Variants in OR3A2 observed in about 807,000 individuals in gnomAD.
The protein encoded by OR3A2 is olfactory receptor family 3 subfamily A member 2, also known as olfactory receptor 3A2.
For missense variants in OR3A2, 318 were observed against 392.8 expected, an observed-to-expected ratio of 0.81 and a Z score of 1.61; for synonymous variants, 126 against 159.3, an observed-to-expected ratio of 0.79 and a Z score of 1.57.
At chr17:3,378,748 T>A (rs1346863701) in intron 2 of OR3A2, among the ~76,000 whole-genome samples, 1 of 152,124 alleles carries the variant, frequency 6.6e-6, no homozygotes, top group Non-Finnish European at 1.5e-5. Flanking sequence ...ATCCTTCCAC[T>A]TTTCTTCTTG....
At chr17:3,384,361 G>C (rs992701979) in intron 1 of OR3A2, among the ~76,000 whole-genome samples, 5 of 152,168 alleles carry the variant, frequency 3.3e-5, no homozygotes, top group African/African-American at 1.2e-4. Flanking sequence ...GACAGAGCAA[G>C]GACAAGCCTT....
intron 2 of OR3A2, among the ~76,000 whole-genome samples, chr17:3,372,369 G>A (rs377507545): frequency 6.0e-4 from 88 of 146,618 alleles, no homozygotes; most frequent in East Asian, 8.1e-4. Context: ...GGCTCCTCAC[G>A]TCCCAGACGA....
chr17:3,360,396 G>T (rs372338573), intron 2 of OR3A2, among the ~76,000 whole-genome samples: 7 of 151,386 alleles, frequency 4.6e-5, no homozygotes, highest in Non-Finnish European at 5.9e-5. Context: ...TAGTTTCTTT[G>T]GCTGTGCAGA....
chr17:3,328,098 T>G (rs1403652336), intron 3 of OR3A2, among the ~76,000 whole-genome samples: 22 of 145,944 alleles, frequency 1.5e-4, no homozygotes, highest in Admixed American at 4.1e-4. Context: ...GTGAAGAAAG[T>G]CATTGGTAGC....
At chr17:3,319,779 T>G (rs1400727072) in intron 3 of OR3A2, among the ~76,000 whole-genome samples, 1 of 152,216 alleles carries the variant, frequency 6.6e-6, no homozygotes, top group Non-Finnish European at 1.5e-5. Context: ...CTATTGTTGT[T>G]GGACATCTGG....
chr17:3,281,056 C>G (rs2048773839), intron 1 of OR3A2, among the ~76,000 whole-genome samples: 1 of 152,214 alleles, frequency 6.6e-6, no homozygotes, highest in Admixed American at 6.5e-5. Context: ...CTCTGGTGAG[C>G]ACTGACTAGG....
At chr17:3,348,636 T>C (rs893938286) in intron 2 of OR3A2, among the ~76,000 whole-genome samples, 2 of 151,926 alleles carry the variant, frequency 1.3e-5, no homozygotes, top group Non-Finnish European at 2.9e-5. Flanking sequence ...ACTTCCCCAA[T>C]CTAGCAAGGC....
chr17:3,351,793 C>T (rs377366473), intron 2 of OR3A2, among the ~76,000 whole-genome samples: 7 of 152,214 alleles, frequency 4.6e-5, no homozygotes, highest in East Asian at 3.9e-4. Context: ...TACTGCAAGG[C>T]TACAGTAACC....
rs556686798 is a variant in OR3A2, at chr17:3,362,495, T to A, written c.-179+21309A>T. 2.4e-4 allele frequency among the ~76,000 whole-genome samples: 37 copies of A among 151,892 alleles called. 1 individual carries two copies. Among genetic ancestry groups the A allele is most frequent in the Middle Eastern group, 3.4e-3 (1 of 294 alleles). Reference sequence around the variant, plus strand: ...TGTTTGCTCTTGCTTCTCTAGTTCTTTTCATTGTGATGTTAGGGTGTCAAT... The same window carrying A: ...TGTTTGCTCTTGCTTCTCTAGTTCTATTCATTGTGATGTTAGGGTGTCAAT... On this transcript the variant is annotated intron_variant, in intron 2 of 4. Transcript: ENST00000573491.
upstream of OR3A2, among the ~76,000 whole-genome samples, chr17:3,288,985 C>G (rs1441033954): frequency 2.0e-5 from 3 of 151,974 alleles, no homozygotes; most frequent in Non-Finnish European, 2.9e-5. Flanking sequence ...TATTATGCAG[C>G]CTTTAAAATG....
intron 2 of OR3A2, among the ~76,000 whole-genome samples, chr17:3,337,706 G>A (rs978386937): frequency 1.3e-5 from 2 of 152,120 alleles, no homozygotes; most frequent in Non-Finnish European, 1.5e-5. Flanking sequence ...CCAAGTCTTT[G>A]GTATTGTGAA....
At chr17:3,291,311 G>C (rs549522892) in intron 3 of OR3A2, 56 of 241,654 alleles carry the variant, frequency 2.3e-4, no homozygotes, top group Non-Finnish European at 3.8e-4. Flanking sequence ...AACTAAGGCT[G>C]TAACCAACCA....
chr17:3,302,847 C>T (rs895428674), intron 3 of OR3A2, among the ~76,000 whole-genome samples: 3 of 152,168 alleles, frequency 2.0e-5, no homozygotes, highest in African/African-American at 7.2e-5. Context: ...CATGCTCATT[C>T]TGGGAAGGCC....
At chr17:3,360,574 C>T (rs1267301961) in intron 2 of OR3A2, among the ~76,000 whole-genome samples, 1 of 151,606 alleles carries the variant, frequency 6.6e-6, no homozygotes, top group Non-Finnish European at 1.5e-5. Context: ...ATCTTTAATC[C>T]ATCTTGAATT....
intron 3 of OR3A2, among the ~76,000 whole-genome samples, chr17:3,317,920 G>C (rs1339668116): frequency 1.3e-5 from 2 of 152,016 alleles, no homozygotes; most frequent in African/African-American, 4.8e-5. Flanking sequence ...GCCTGTAGAA[G>C]CCACAGTGTC....
At chr17:3,360,623 G>C (rs1486025091) in intron 2 of OR3A2, among the ~76,000 whole-genome samples, 3 of 151,674 alleles carry the variant, frequency 2.0e-5, no homozygotes, top group Non-Finnish European at 4.4e-5. Flanking sequence ...TCCAGTTTCA[G>C]CTTTCTACAT....
intron 3 of OR3A2, among the ~76,000 whole-genome samples, chr17:3,322,563 T>A (rs187323056): frequency 1.3e-5 from 2 of 152,338 alleles, no homozygotes; most frequent in Non-Finnish European, 2.9e-5. Context: ...GAGATTCTGG[T>A]ATGTTGTGTG....
intron 2 of OR3A2, among the ~76,000 whole-genome samples, chr17:3,368,109 A>G (rs901497958): frequency 1.3e-5 from 2 of 151,928 alleles, no homozygotes; most frequent in African/African-American, 2.4e-5. Context: ...GATTTGTTTG[A>G]GTTCCTTATA....
At chr17:3,362,823 G>A (rs1278025157) in intron 2 of OR3A2, among the ~76,000 whole-genome samples, 1 of 151,724 alleles carries the variant, frequency 6.6e-6, no homozygotes, top group South Asian at 2.1e-4. Context: ...CTAGGCAGAG[G>A]TTCCCAAACC....
Sources: allele counts gnomAD v4.1 joint callset (sites outside exome capture counted in the v4.1 genomes callset), GRCh38; gene constraint gnomAD v4.1.1; transcripts MANE v1.5; gene names NCBI Gene and HGNC (gene_info 2026-07-23, HGNC 2026-07-21).